Variants in OLFM3 observed in about 807,000 individuals in gnomAD.
OLFM3 encodes noelin-3.
In OLFM3, 20 loss-of-function variants were observed where a neutral mutation model predicts 48.6. The observed-to-expected ratio is 0.41, with a 90% CI of 0.29 to 0.60. OLFM3 has a LOEUF of 0.60. Among genes scored for constraint, OLFM3 ranks in the 20% least tolerant of loss-of-function variants. The pLI, the probability that OLFM3 is intolerant of heterozygous loss-of-function variation, is 0.28. For missense variants in OLFM3, 437 were observed against 544.3 expected (o/e 0.80, Z 1.96); for synonymous variants, 222 against 198.1 (o/e 1.12, Z -1.01).
At chr1:101,992,136 C>A (rs1661428793) in intron 1 of OLFM3, among the ~76,000 whole-genome samples, 1 of 152,042 alleles carries the variant, frequency 6.6e-6, no homozygotes, top group Non-Finnish European at 1.5e-5. Context: ...AAATGAAGGA[C>A]CTTGAATCCT....
intron 1 of OLFM3, among the ~76,000 whole-genome samples, chr1:101,915,631 A>C (rs1658901131): frequency 6.6e-6 from 1 of 152,184 alleles, no homozygotes; most frequent in Non-Finnish European, 1.5e-5. Context: ...AACACGAAGA[A>C]ATTGATGAAT....
At chr1:101,808,257 T>C (rs1234620612) in intron 4 of OLFM3, among the ~76,000 whole-genome samples, 1 of 151,230 alleles carries the variant, frequency 6.6e-6, no homozygotes, top group Non-Finnish European at 1.5e-5. Flanking sequence ...GAGTAAAACA[T>C]GAGGGGAAAA....
At chr1:101,860,891 T>C (rs940671463) in intron 1 of OLFM3, among the ~76,000 whole-genome samples, 1 of 151,972 alleles carries the variant, frequency 6.6e-6, no homozygotes, top group Non-Finnish European at 1.5e-5. Context: ...TTAAACATAA[T>C]AGCCAGTCAC....
intron 1 of OLFM3, among the ~76,000 whole-genome samples, chr1:101,966,498 C>G (rs917190762): frequency 2.4e-4 from 37 of 152,244 alleles, no homozygotes; most frequent in Non-Finnish European, 3.1e-4. Flanking sequence ...TAAATGAATC[C>G]TTTATTAAAG....
chr1:101,936,962 C>T (rs1314254682), intron 1 of OLFM3, among the ~76,000 whole-genome samples: 1 of 152,056 alleles, frequency 6.6e-6, no homozygotes, highest in Non-Finnish European at 1.5e-5. Flanking sequence ...TGAAAATCAA[C>T]TCAAGATGTA....
intron 1 of OLFM3, among the ~76,000 whole-genome samples, chr1:101,895,997 AT>A (rs1658186532): frequency 6.7e-6 from 1 of 150,164 alleles, no homozygotes; most frequent in Non-Finnish European, 1.5e-5. Flanking sequence ...AATAATAATA[AT>A]AATAATAAAA....
intron 1 of OLFM3, among the ~76,000 whole-genome samples, chr1:101,957,288 C>A (rs1388183706): frequency 1.3e-5 from 2 of 151,934 alleles, no homozygotes; most frequent in African/African-American, 4.8e-5. Flanking sequence ...GATTGTTTGA[C>A]ATTTTGTCCT....
intron 4 of OLFM3, among the ~76,000 whole-genome samples, chr1:101,815,106 G>A (rs1570509798): frequency 6.6e-6 from 1 of 152,270 alleles, no homozygotes; most frequent in Non-Finnish European, 1.5e-5. Flanking sequence ...ATGACAGAAT[G>A]TAAGCTGCAC....
chr1:101,882,106 CAT>C (rs1657551556), intron 1 of OLFM3, among the ~76,000 whole-genome samples: 1 of 150,980 alleles, frequency 6.6e-6, no homozygotes, highest in African/African-American at 2.4e-5. Context: ...GACACACACA[CAT>C]ACACACACAC....
At chr1:101,995,193 G>T (rs1661524611) in intron 1 of OLFM3, among the ~76,000 whole-genome samples, 1 of 151,998 alleles carries the variant, frequency 6.6e-6, no homozygotes, top group South Asian at 2.1e-4. Context: ...GACTTTTTCT[G>T]CAGTAACTTA....
chr1:101,935,106 A>G (rs1300740832), intron 1 of OLFM3, among the ~76,000 whole-genome samples: 1 of 152,084 alleles, frequency 6.6e-6, no homozygotes, highest in Non-Finnish European at 1.5e-5. Flanking sequence ...AGAAGACAAG[A>G]AAAAACCAAA....
chr1:101,898,026 C>T (rs892426510), intron 1 of OLFM3, among the ~76,000 whole-genome samples: 2 of 152,000 alleles, frequency 1.3e-5, no homozygotes, highest in Non-Finnish European at 2.9e-5. Context: ...TTATATTCTC[C>T]TTCTAGACAT....
intron 1 of OLFM3, among the ~76,000 whole-genome samples, chr1:101,933,900 CAGACAAGCAAATGCTAAG>C (rs1396006791): frequency 2.0e-5 from 3 of 152,194 alleles, no homozygotes; most frequent in Non-Finnish European, 4.4e-5. Flanking sequence ...AAATCCTTTT[CAGACAAGCAAATGCTAAG>C]GGACTTCATT....
intron 1 of OLFM3, among the ~76,000 whole-genome samples, chr1:101,873,560 G>A (rs1657176353): frequency 6.6e-6 from 1 of 151,844 alleles, no homozygotes; most frequent in East Asian, 1.9e-4. Flanking sequence ...CTGGGGCCCA[G>A]GTGGGGGGTG....
At chr1:101,884,112 C>T (rs2100994782) in intron 1 of OLFM3, among the ~76,000 whole-genome samples, 1 of 151,952 alleles carries the variant, frequency 6.6e-6, no homozygotes, top group Non-Finnish European at 1.5e-5. Flanking sequence ...TTTTCCAGCC[C>T]CTTCTATGGA....
At chr1:101,951,514 G>A (rs1660143916) in intron 1 of OLFM3, among the ~76,000 whole-genome samples, 1 of 152,078 alleles carries the variant, frequency 6.6e-6, no homozygotes, top group South Asian at 2.1e-4. Flanking sequence ...AGGGGTTCCT[G>A]TAATGAAAGG....
rs577602326 is a variant in OLFM3, at chr1:101,873,466, C to T, written c.70-36441G>A. 2.6e-5 allele frequency among the ~76,000 whole-genome samples: 4 copies of T among 151,852 alleles called. No homozygotes were observed. The East Asian group carries it at 7.7e-4, about 29-fold the overall frequency. On this transcript the variant is annotated intron_variant, in intron 1 of 5. Coordinates refer to ENST00000370103, the MANE Select transcript of OLFM3 (RefSeq NM_058170.4). ...ATAAACATATACATTATAATACTAT[C>T]ATGTTAGTCATTTGTGGAAGTTGTA...
intron 1 of OLFM3, among the ~76,000 whole-genome samples, chr1:101,947,015 A>G (rs1285343036): frequency 6.6e-6 from 1 of 152,210 alleles, no homozygotes; most frequent in East Asian, 1.9e-4. Flanking sequence ...ATTTTAAGTG[A>G]GAAAATCTGG....
At chr1:101,927,966 C>T (rs1260170844) in intron 1 of OLFM3, among the ~76,000 whole-genome samples, 1 of 151,820 alleles carries the variant, frequency 6.6e-6, no homozygotes, top group Non-Finnish European at 1.5e-5. Flanking sequence ...AGTAGATGAA[C>T]ATATGAAGAG....
Sources: allele counts gnomAD v4.1 joint callset (sites outside exome capture counted in the v4.1 genomes callset), GRCh38; gene constraint gnomAD v4.1.1; transcripts MANE v1.5; gene names NCBI Gene and HGNC (gene_info 2026-07-23, HGNC 2026-07-21).